The following FRAS1 variants were observed in gnomAD, a reference collection of about 807,000 sequenced individuals.
FRAS1 encodes the protein Fraser extracellular matrix complex subunit 1.
In FRAS1, 290 loss-of-function variants were observed where a neutral mutation model predicts 435.2. The ratio of observed to expected loss-of-function variants is 0.67; its 90% CI spans 0.61 to 0.73. FRAS1 has a LOEUF of 0.73. Among genes scored for constraint, FRAS1 ranks in the 30% least tolerant of loss-of-function variants. FRAS1 has a pLI of 0.00. For missense variants in FRAS1, 4,860 were observed against 5,001.5 expected, an observed-to-expected ratio of 0.97 and a Z score of 0.85; for synonymous variants, 1,800 against 1,851.0, an observed-to-expected ratio of 0.97 and a Z score of 0.71.
chr4:78,191,784 A>G (rs191608641), intron 2 of FRAS1, among the ~76,000 whole-genome samples: 11 of 152,010 alleles, frequency 7.2e-5, no homozygotes. Context: ...GAGTGAGAAC[A>G]TGCGGTATTT....
intron 2 of FRAS1, among the ~76,000 whole-genome samples, chr4:78,177,098 T>G (rs1162976192): frequency 6.6e-6 from 1 of 151,382 alleles, no homozygotes; most frequent in Non-Finnish European, 1.5e-5. Context: ...TTTTTTTTTT[T>G]TTTTTTTGAG....
chr4:78,065,108 C>T, intron 1 of FRAS1, among the ~76,000 whole-genome samples: 1 of 109,704 alleles, frequency 9.1e-6, no homozygotes, highest in African/African-American at 3.7e-5. Flanking sequence ...ACACTAAATA[C>T]TACATATGCT....
chr4:78,416,817 T>C (rs1049923278), intron 32 of FRAS1, among the ~76,000 whole-genome samples: 2 of 151,554 alleles, frequency 1.3e-5, no homozygotes, highest in African/African-American at 4.9e-5. Flanking sequence ...TGAAAGGGAG[T>C]GTAGGGGAGG....
intron 2 of FRAS1, among the ~76,000 whole-genome samples, chr4:78,185,830 C>T (rs139237555): frequency 6.6e-6 from 1 of 152,320 alleles, no homozygotes; most frequent in Non-Finnish European, 1.5e-5. Flanking sequence ...TGTTCTCAGA[C>T]TCTCTTGTCC....
chr4:78,084,512 AT>A (rs1284991280), intron 2 of FRAS1, among the ~76,000 whole-genome samples: 6 of 151,978 alleles, frequency 3.9e-5, no homozygotes, highest in Non-Finnish European at 8.8e-5. Flanking sequence ...AGATTCATGG[AT>A]TTTAACATAT....
chr4:78,331,992 A>G (rs1417034884), intron 18 of FRAS1, among the ~76,000 whole-genome samples: 1 of 152,154 alleles, frequency 6.6e-6, no homozygotes, highest in Non-Finnish European at 1.5e-5. Context: ...GGCAGAGGTG[A>G]TGGGGGGAAC....
chr4:78,199,349 T>A (rs774712435), intron 2 of FRAS1, among the ~76,000 whole-genome samples: 29 of 152,194 alleles, frequency 1.9e-4, no homozygotes, highest in Non-Finnish European at 3.5e-4. Flanking sequence ...CTGCAAGTAG[T>A]TATCTCTCCA....
chr4:78,076,865 C>T (rs973151112), intron 2 of FRAS1, among the ~76,000 whole-genome samples: 4 of 152,094 alleles, frequency 2.6e-5, no homozygotes, highest in Non-Finnish European at 5.9e-5. Flanking sequence ...AAATAAGTAT[C>T]CTTTTATATT....
chr4:78,521,446 T>G, intron 67 of FRAS1, 77 bp from the exon 68 acceptor site: 1 of 872,656 alleles, frequency 1.1e-6, no homozygotes. Context: ...GAGGTGTCCT[T>G]GGGATAACTT....
chr4:78,258,053 T>C (rs1578210709), intron 6 of FRAS1, among the ~76,000 whole-genome samples: 1 of 152,160 alleles, frequency 6.6e-6, no homozygotes, highest in South Asian at 2.1e-4. Flanking sequence ...TCAAGAAAGA[T>C]AGATGAGCCA....
At chr4:78,330,668 A>G (rs1048279938) in intron 18 of FRAS1, among the ~76,000 whole-genome samples, 3 of 152,206 alleles carry the variant, frequency 2.0e-5, no homozygotes, top group African/African-American at 7.2e-5. Flanking sequence ...AGTCTCCCAT[A>G]GCACTCCCAG....
chr4:78,509,347 T>C (rs1457685640), intron 63 of FRAS1, among the ~76,000 whole-genome samples: 1 of 152,210 alleles, frequency 6.6e-6, no homozygotes, highest in African/African-American at 2.4e-5. Context: ...AAATGTGACC[T>C]ATAAATGACA....
intron 58 of FRAS1, among the ~76,000 whole-genome samples, chr4:78,486,515 C>T (rs1720172899): frequency 6.6e-6 from 1 of 152,100 alleles, no homozygotes; most frequent in Non-Finnish European, 1.5e-5. Context: ...TGATGCAGCC[C>T]ATCAGTGTGG....
chr4:78,121,430 G>C (rs77754743), intron 2 of FRAS1, among the ~76,000 whole-genome samples: 1 of 152,184 alleles, frequency 6.6e-6, no homozygotes, highest in Non-Finnish European at 1.5e-5. Flanking sequence ...CCTGATTAGG[G>C]TGAGGGGTGT....
At chr4:78,128,472 G>T (rs1719498460) in intron 2 of FRAS1, among the ~76,000 whole-genome samples, 1 of 152,192 alleles carries the variant, frequency 6.6e-6, no homozygotes. Flanking sequence ...GTATCTCATT[G>T]TGGTTTTGGT....
chr4:78,206,085 T>C (rs145254904), intron 2 of FRAS1, among the ~76,000 whole-genome samples: 2 of 152,202 alleles, frequency 1.3e-5, no homozygotes, highest in African/African-American at 4.8e-5. Context: ...CATAGAACCA[T>C]GTATAATTCT....
chr4:78,385,972 G>A (rs1418875968), intron 28 of FRAS1, among the ~76,000 whole-genome samples: 2 of 151,272 alleles, frequency 1.3e-5, no homozygotes, highest in Non-Finnish European at 2.9e-5. Context: ...TGGTTTAGAT[G>A]TTTCTCAGTC....
chr4:78,295,149 A>G (rs375026975), intron 14 of FRAS1, among the ~76,000 whole-genome samples: 221 of 152,346 alleles, frequency 1.5e-3, no homozygotes, highest in African/African-American at 5.1e-3. Context: ...TCATTTAGCC[A>G]ATCCTCTATG....
At position 78,058,005 on chromosome 4, in the gene FRAS1, C is replaced by A. The variant is rs749377838; in HGVS notation, c.-5C>A. On this transcript the variant is annotated 5_prime_UTR_variant, in exon 1 of 74. Transcript: ENST00000512123. ...GGCTCCTCCATCGTGGGTGCCGAGG[C>A]GGCGATGGGTGTCCTCAAAGTGTGG... 16 of 1,613,618 alleles carry A rather than the reference C, an allele frequency of 9.9e-6. No homozygotes were observed. In the East Asian group the frequency reaches 1.8e-4, roughly 18 times the overall value.
Sources: gnomAD v4.1 joint callset for allele counts (sites outside exome capture counted in the v4.1 genomes callset) on GRCh38, gnomAD v4.1.1 for gene constraint, MANE v1.5 for transcripts, NCBI Gene and HGNC (gene_info 2026-07-23, HGNC 2026-07-21) for gene names.